Variants in MSR1 observed in about 807,000 individuals in gnomAD.
MSR1 encodes the protein macrophage scavenger receptor types I and II.
A neutral mutation model predicts 47.2 loss-of-function variants in MSR1; 53 were observed. The ratio of observed to expected loss-of-function variants is 1.12; its 90% CI spans 0.90 to 1.41. The LOEUF (loss-of-function observed/expected upper bound fraction) is 1.41, where lower values mean the gene tolerates loss of function less well. Ranked by LOEUF, MSR1 falls within the 40% of genes most tolerant of loss-of-function variation. The pLI is 0.00. For synonymous variants in MSR1, 239 were observed against 185.6 expected, an observed-to-expected ratio of 1.29 and a Z score of -2.34; for missense variants, 786 against 546.9, an observed-to-expected ratio of 1.44 and a Z score of -4.36.
intron 5 of MSR1, among the ~76,000 whole-genome samples, chr8:16,155,432 A>G (rs566982543): frequency 6.6e-6 from 1 of 152,146 alleles, no homozygotes; most frequent in African/African-American, 2.4e-5. Context: ...GGCAGAGAAA[A>G]GACAGCAGGC....
At chr8:16,188,997 TAA>T (rs1308237185) in intron 1 of MSR1, among the ~76,000 whole-genome samples, 1 of 127,420 alleles carries the variant, frequency 7.8e-6, no homozygotes, top group Non-Finnish European at 1.7e-5. Flanking sequence ...TATATATATA[TAA>T]AACAACATAT....
At chr8:16,140,798 G>C in intron 8 of MSR1, 1 of 1,498,054 alleles carries the variant, frequency 6.7e-7, no homozygotes. Context: ...GTAAGAAGAG[G>C]TATGAGCATG....
intron 6 of MSR1, among the ~76,000 whole-genome samples, chr8:16,154,550 G>C (rs1343755059): frequency 6.6e-6 from 1 of 151,894 alleles, no homozygotes; most frequent in African/African-American, 2.4e-5. Context: ...GATTTCATTA[G>C]TTTAAACAGA....
chr8:16,189,510 T>C (rs1448499309), intron 1 of MSR1, among the ~76,000 whole-genome samples: 5 of 93,042 alleles, frequency 5.4e-5, no homozygotes, highest in Non-Finnish European at 8.8e-5. Context: ...TATATATTTT[T>C]ATATATAAAA....
At position 16,150,257 on chromosome 8, in the gene MSR1, C is replaced by T. The variant is rs747444467; in HGVS notation, c.953G>A (p.Gly318Glu). The T allele has an allele frequency of 2.6e-6, 4 of 1,563,260 alleles. No homozygotes were observed. The highest frequency in any genetic ancestry group is 1.7e-6 in the Non-Finnish European group (2 of 1,151,780). ...TGGCCTTCCGGCATATCCTGGGAGT[C>T]CTCGACTTCCAGGAAAGCCAATTGC... ...RGAIGFPGSR[G>E]LPGYAGRPGN... is the part of the protein sequence containing the mutation. The change falls in exon 7 of 10, where the codon GGA becomes GAA. Residue 318 changes from glycine (G) to glutamate (E), a missense_variant. Transcript: ENST00000262101.
At chr8:16,139,266 A>G (rs1029965011) in intron 8 of MSR1, 3 of 984,464 alleles carry the variant, frequency 3.0e-6, no homozygotes, top group South Asian at 4.7e-5. Context: ...TCTGCATTAT[A>G]CCAGCGGGGA....
chr8:16,123,939 A>G (rs1168061568), intron 8 of MSR1, among the ~76,000 whole-genome samples: 2 of 152,134 alleles, frequency 1.3e-5, no homozygotes, highest in East Asian at 1.9e-4. Flanking sequence ...TGCAAGCTAG[A>G]TATCTTTGCT....
At chr8:16,119,478 C>T (rs1348665925) in intron 9 of MSR1, among the ~76,000 whole-genome samples, 1 of 152,076 alleles carries the variant, frequency 6.6e-6, no homozygotes, top group Non-Finnish European at 1.5e-5. Flanking sequence ...CACCCACCTT[C>T]AGCATCCCAA....
At position 16,120,565 on chromosome 8, in the gene MSR1, G is replaced by C; in HGVS notation, c.1075C>G (p.His359Asp). Residue 359 changes from histidine (H) to aspartate (D), a missense_variant, in exon 9 of 10, where the codon CAC becomes GAC. By Grantham distance (81) the His-to-Asp change is moderately conservative. Coordinates refer to ENST00000262101, the MANE Select transcript of MSR1 (RefSeq NM_138715.3). ...TGGAGTATCTCCACCCTCCCCTCGT[G>C]AGGGCCGCTCCCACCGACCAGTCGA... ...KVRLVGGSGP[H>D]EGRVEILHSG... 3 of 1,606,660 alleles carry C rather than the reference G, an allele frequency of 1.9e-6. No homozygotes were observed. The highest frequency in any genetic ancestry group is 2.5e-6 in the Non-Finnish European group (3 of 1,178,820).
chr8:16,147,015 G>A (rs1800717874), intron 7 of MSR1, among the ~76,000 whole-genome samples: 1 of 152,072 alleles, frequency 6.6e-6, no homozygotes. Flanking sequence ...AACTTACCCT[G>A]AGGGAAACAA....
intron 9 of MSR1, 54 bp downstream of exon 9, chr8:16,120,364 G>C (rs1799970596): frequency 6.4e-7 from 1 of 1,573,780 alleles, no homozygotes. Flanking sequence ...GCGACAGAAT[G>C]AGACTCTGTC....
intron 1 of MSR1, among the ~76,000 whole-genome samples, chr8:16,184,505 CA>C (rs946080474): frequency 6.7e-6 from 1 of 148,408 alleles, no homozygotes; most frequent in African/African-American, 2.6e-5. Context: ...AAAGGAGGTT[CA>C]AAAAGAAGAG....
intron 7 of MSR1, among the ~76,000 whole-genome samples, chr8:16,148,410 C>T (rs1189470780): frequency 1.3e-5 from 2 of 152,090 alleles, no homozygotes; most frequent in Non-Finnish European, 2.9e-5. Context: ...AAACTCCTGT[C>T]CACAGAAAAG....
chr8:16,139,329 A>G, intron 8 of MSR1: 2 of 977,812 alleles, frequency 2.0e-6, no homozygotes, highest in Non-Finnish European at 2.4e-6. Flanking sequence ...ACATCTTTAA[A>G]GGACTTTATG....
In MSR1 at chr8:16,168,623, A is replaced by C; in HGVS notation, c.465T>G (p.Ile155Met). The stretch of plus-strand genomic sequence containing the variant: ...AAAACAAGGTACTTAGCTGCAGAAG[A>C]ATGTCATTAAATCTTTGATCAGTTG... ...SMTTDQRFND[I>M]LLQLSTLFSS... The change falls in exon 4 of 10, where the codon ATT (isoleucine) becomes ATG (methionine). Residue 155 changes from isoleucine (I) to methionine (M), a missense_variant. Coordinates refer to ENST00000262101, the MANE Select transcript of MSR1 (RefSeq NM_138715.3). 1 of 1,614,150 alleles carries C rather than the reference A, an allele frequency of 6.2e-7. No individual in the cohort carries two copies. Among genetic ancestry groups the C allele is most frequent in the Non-Finnish European group, 8.5e-7 (1 of 1,180,000 alleles).
chr8:16,157,289 A>G (rs985156380), intron 5 of MSR1, among the ~76,000 whole-genome samples: 2 of 151,910 alleles, frequency 1.3e-5, no homozygotes, highest in Non-Finnish European at 2.9e-5. Flanking sequence ...TATCCTTTCA[A>G]TTATATTACA....
intron 1 of MSR1, among the ~76,000 whole-genome samples, chr8:16,178,545 A>C (rs556427227): frequency 6.6e-6 from 1 of 152,258 alleles, no homozygotes; most frequent in South Asian, 2.1e-4. Context: ...TATTGTGAAT[A>C]GTGCCGCCGC....
At chr8:16,182,685 T>G (rs1414256537) in intron 1 of MSR1, among the ~76,000 whole-genome samples, 8 of 152,052 alleles carry the variant, frequency 5.3e-5, no homozygotes. Flanking sequence ...CCTCCATATC[T>G]TCTCCCACTG....
rs112506211 is a variant in MSR1, at chr8:16,143,706, A to AAC, written c.980-96_980-95insGT. 14 of 842,532 alleles carry AAC rather than the reference A, an allele frequency of 1.7e-5. No homozygotes were observed. The East Asian group carries it at 3.5e-4, about 21-fold the overall frequency. The allele number at this position is 842,532 out of a possible 1,614,324, so 52.2% of individuals were successfully genotyped here. On this transcript the variant is annotated intron_variant, in intron 7 of 9. Transcript: ENST00000262101. Reference sequence around the variant, plus strand: ...GATCATCACAAGGTAATTAAAATATAATAGAATGGACAGATATTGAAATGT... The same window carrying AAC: ...GATCATCACAAGGTAATTAAAATATAACATAGAATGGACAGATATTGAAATGT...
Sources: gnomAD v4.1 joint callset for allele counts (sites outside exome capture counted in the v4.1 genomes callset) on GRCh38, gnomAD v4.1.1 for gene constraint, MANE v1.5 for transcripts, NCBI Gene and HGNC (gene_info 2026-07-23, HGNC 2026-07-21) for gene names.